The following NEDD4L variants were observed in gnomAD, a reference collection of about 807,000 sequenced individuals.
NEDD4L encodes NEDD4 like E3 ubiquitin protein ligase, also known as E3 ubiquitin-protein ligase NEDD4-like.
Under a neutral mutation model 148.9 loss-of-function variants are expected in NEDD4L, and 54 were observed. The observed-to-expected ratio is 0.36, with a 90% CI of 0.29 to 0.45. The LOEUF (loss-of-function observed/expected upper bound fraction) is 0.45, where lower values mean the gene tolerates loss of function less well. NEDD4L is among the 20% of genes least tolerant of loss of function. NEDD4L has a pLI of 1.00. For synonymous variants in NEDD4L, 433 were observed against 440.7 expected, an observed-to-expected ratio of 0.98 and a Z score of 0.22; for missense variants, 856 against 1,233.8, an observed-to-expected ratio of 0.69 and a Z score of 4.59.
At chr18:58,073,910 A>G (rs2083022981) in intron 1 of NEDD4L, among the ~76,000 whole-genome samples, 1 of 152,236 alleles carries the variant, frequency 6.6e-6, no homozygotes, top group South Asian at 2.1e-4. Flanking sequence ...GCATCCAGAT[A>G]CACCTAAGGT....
At chr18:58,362,605 G>GA (rs2145975860) in intron 19 of NEDD4L, among the ~76,000 whole-genome samples, 1 of 152,294 alleles carries the variant, frequency 6.6e-6, no homozygotes, top group South Asian at 2.1e-4. Flanking sequence ...TTTATTCATT[G>GA]ATTTCCTATT....
At chr18:58,126,662 A>G (rs2031161803) in intron 1 of NEDD4L, among the ~76,000 whole-genome samples, 1 of 152,234 alleles carries the variant, frequency 6.6e-6, no homozygotes, top group Admixed American at 6.5e-5. Context: ...CGGTAACTCT[A>G]CATTTAAGCA....
chr18:58,256,334 G>A lies in NEDD4L; in HGVS notation c.297+4280G>A. 8.1e-7 allele frequency: 1 copy of A among 1,232,092 alleles called. No homozygotes were observed. The highest frequency in any genetic ancestry group is 1.0e-6 in the Non-Finnish European group (1 of 987,936). 76.3% of individuals were successfully genotyped at this position (1,232,092 alleles called of 1,614,324 possible). ...GCGCTGGTCCCTGCAGCACGTTCCA[G>A]ATGCTTCTGGAAGCTCTGGGAAGCG... On this transcript the variant is annotated intron_variant, in intron 5 of 30. Coordinates refer to ENST00000400345, the MANE Select transcript of NEDD4L (RefSeq NM_001144967.3). This position sits in a 1 kb window ranked among gnomAD's most constrained non-coding sequence, Gnocchi z 5.2.
intron 1 of NEDD4L, among the ~76,000 whole-genome samples, chr18:58,049,296 C>G (rs1046243757): frequency 2.6e-5 from 4 of 152,222 alleles, no homozygotes; most frequent in Non-Finnish European, 5.9e-5. Flanking sequence ...TCATAGCCAA[C>G]TGGATGGCCG....
intron 1 of NEDD4L, among the ~76,000 whole-genome samples, chr18:58,139,798 C>T (rs996503243): frequency 2.0e-5 from 3 of 152,126 alleles, no homozygotes; most frequent in East Asian, 3.9e-4. Flanking sequence ...AGGAAACCAC[C>T]GTAGAACCCC....
intron 5 of NEDD4L, among the ~76,000 whole-genome samples, chr18:58,295,424 C>T (rs1413573642): frequency 6.6e-6 from 1 of 152,104 alleles, no homozygotes; most frequent in Non-Finnish European, 1.5e-5. Context: ...TAAGGTTCCT[C>T]CGTGCCTCTT....
intron 1 of NEDD4L, among the ~76,000 whole-genome samples, chr18:58,118,242 C>A (rs1353847859): frequency 6.6e-6 from 1 of 152,254 alleles, no homozygotes; most frequent in Admixed American, 6.5e-5. Context: ...CATGCTCTTA[C>A]GTATCCTGCC....
chr18:58,090,132 C>G (rs753717030), intron 1 of NEDD4L, among the ~76,000 whole-genome samples: 2 of 152,166 alleles, frequency 1.3e-5, no homozygotes, highest in African/African-American at 2.4e-5. Context: ...GCCACCATGC[C>G]CAGCCCAAAC....
At chr18:58,206,108 A>G (rs1011590792) in intron 2 of NEDD4L, among the ~76,000 whole-genome samples, 1 of 152,130 alleles carries the variant, frequency 6.6e-6, no homozygotes, top group Non-Finnish European at 1.5e-5. Context: ...AACTTTCAGC[A>G]TGGGGCGCGG....
At chr18:58,165,279 T>G (rs1048975206) in intron 1 of NEDD4L, among the ~76,000 whole-genome samples, 1 of 152,240 alleles carries the variant, frequency 6.6e-6, no homozygotes, top group Non-Finnish European at 1.5e-5. Flanking sequence ...TTTTTATTTC[T>G]TTTTACTGGA....
chr18:58,297,157 TC>T (rs1208346118), intron 5 of NEDD4L, among the ~76,000 whole-genome samples: 6 of 152,186 alleles, frequency 3.9e-5, no homozygotes, highest in South Asian at 2.1e-4. Flanking sequence ...CAATCCCCCA[TC>T]TGAGGACCTT....
intron 5 of NEDD4L, among the ~76,000 whole-genome samples, chr18:58,270,728 T>C (rs1255297205): frequency 6.6e-6 from 1 of 152,102 alleles, no homozygotes; most frequent in Non-Finnish European, 1.5e-5. Context: ...CTGATTTCTA[T>C]TGCTTATCAG....
intron 12 of NEDD4L, among the ~76,000 whole-genome samples, chr18:58,335,002 G>A (rs1464351357): frequency 2.0e-5 from 3 of 152,100 alleles, no homozygotes; most frequent in South Asian, 2.1e-4. Flanking sequence ...TTCCTTGAAC[G>A]AATGGCACTT....
intron 1 of NEDD4L, among the ~76,000 whole-genome samples, chr18:58,136,964 C>T (rs1486819956): frequency 6.6e-6 from 1 of 152,158 alleles, no homozygotes; most frequent in Admixed American, 6.5e-5. Context: ...TTTAAAAAAG[C>T]ATTTAAAGAA....
intron 1 of NEDD4L, among the ~76,000 whole-genome samples, chr18:58,070,394 A>G (rs1040399946): frequency 1.3e-5 from 2 of 152,158 alleles, no homozygotes; most frequent in East Asian, 3.9e-4. Flanking sequence ...TCAGCTTCCC[A>G]AGTAGGTGGG....
At chr18:58,229,675 A>T (rs1477933125) in intron 2 of NEDD4L, among the ~76,000 whole-genome samples, 1 of 152,148 alleles carries the variant, frequency 6.6e-6, no homozygotes, top group African/African-American at 2.4e-5. Flanking sequence ...ATCTAGATTG[A>T]GGCTTATACA....
intron 2 of NEDD4L, among the ~76,000 whole-genome samples, chr18:58,180,148 C>T (rs569176): frequency 0.061 from 9,259 of 152,248 alleles, 950 homozygotes; most frequent in African/African-American, 0.21. Context: ...TGAACGGGGG[C>T]ACAGAGGTCT....
chr18:58,357,061 G>A (rs1189817115), intron 18 of NEDD4L, 133 bp from the exon 19 acceptor site: 1 of 747,830 alleles, frequency 1.3e-6, no homozygotes, highest in East Asian at 2.7e-5. Context: ...ATACTAATTT[G>A]TCTTTAGAAC....
At chr18:58,105,946 T>G (rs2085046131) in intron 1 of NEDD4L, among the ~76,000 whole-genome samples, 1 of 152,216 alleles carries the variant, frequency 6.6e-6, no homozygotes, top group African/African-American at 2.4e-5. Context: ...CATAATGAGA[T>G]TCCAGAAATT....
Sources: allele counts gnomAD v4.1 joint callset (sites outside exome capture counted in the v4.1 genomes callset), GRCh38; gene constraint gnomAD v4.1.1; non-coding constraint Gnocchi (gnomAD v3.1); transcripts MANE v1.5; gene names NCBI Gene and HGNC (gene_info 2026-07-23, HGNC 2026-07-21).